TGFBRAP1: variants seen among roughly 807,000 people sequenced by gnomAD.
The protein encoded by TGFBRAP1 is transforming growth factor-beta receptor-associated protein 1.
TGFBRAP1 carries 20 observed loss-of-function variants against 83.2 expected under a neutral mutation model. That is an observed-to-expected ratio of 0.24 (90% CI 0.17 to 0.35). The LOEUF (loss-of-function observed/expected upper bound fraction) is 0.35, where lower values mean the gene tolerates loss of function less well. Among genes scored for constraint, TGFBRAP1 ranks in the 10% least tolerant of loss-of-function variants. The probability of loss-of-function intolerance (pLI) is 1.00; values close to 1 mark genes in which losing one functional copy is unlikely to be tolerated. For missense variants in TGFBRAP1, 950 were observed against 1,099.4 expected (o/e 0.86, Z 1.92); for synonymous variants, 415 against 459.8 (o/e 0.90, Z 1.25).
chr2:105,309,516 G>A lies in TGFBRAP1; in HGVS notation c.-17-1198C>T, dbSNP rs1678624338. 2.0e-5 allele frequency among the ~76,000 whole-genome samples: 3 copies of A among 152,312 alleles called. No homozygotes were observed. In the South Asian group the frequency reaches 6.2e-4, roughly 32 times the overall value. ...TATTCAAGAAAGGTTCACGCATCAG[G>A]GAAGGGAAGGAATCAGAGAACTTCT... is the stretch of plus-strand genomic sequence containing the variant. On this transcript the variant is annotated intron_variant, in intron 1 of 11. Transcript: ENST00000393359.
intron 1 of TGFBRAP1, among the ~76,000 whole-genome samples, chr2:105,316,625 G>A (rs959468808): frequency 6.6e-5 from 10 of 151,876 alleles, no homozygotes; most frequent in Admixed American, 2.6e-4. Context: ...GACCAGCCTG[G>A]ACAACATGGT....
At chr2:105,306,054 G>GTTTTTTT (rs975153596) in intron 2 of TGFBRAP1, among the ~76,000 whole-genome samples, 3 of 111,068 alleles carry the variant, frequency 2.7e-5, no homozygotes, top group African/African-American at 1.1e-4. Context: ...CTGGTTTTTT[G>GTTTTTTT]TTTTTTGTTT....
chr2:105,262,135 C>T (rs1179015863), downstream of TGFBRAP1, among the ~76,000 whole-genome samples: 1 of 152,180 alleles, frequency 6.6e-6, no homozygotes, highest in African/African-American at 2.4e-5. Flanking sequence ...TCAGATACTG[C>T]CCAGCTCCAC....
the TGFBRAP1 span, among the ~76,000 whole-genome samples, chr2:105,257,022 C>A: frequency 6.6e-6 from 1 of 152,188 alleles, no homozygotes; most frequent in African/African-American, 2.4e-5. Context: ...CATGAATAAT[C>A]CACCCCTTGT....
intron 5 of TGFBRAP1, among the ~76,000 whole-genome samples, chr2:105,283,655 G>A (rs936163346): frequency 5.9e-5 from 9 of 152,236 alleles, no homozygotes; most frequent in Admixed American, 3.3e-4. Flanking sequence ...GCCTCACTGA[G>A]CACTCAGCTG....
At chr2:105,272,804 C>A in intron 10 of TGFBRAP1, 51 bp downstream of exon 10, 4 of 1,599,496 alleles carry the variant, frequency 2.5e-6, no homozygotes, top group Non-Finnish European at 3.4e-6. Flanking sequence ...TCCTCCCACC[C>A]GCTTGATATG....
intron 1 of TGFBRAP1, among the ~76,000 whole-genome samples, chr2:105,317,710 G>T (rs996115477): frequency 6.6e-6 from 1 of 152,140 alleles, no homozygotes; most frequent in Non-Finnish European, 1.5e-5. Flanking sequence ...AAGATAAGGG[G>T]AAAAGGGGGC....
At chr2:105,298,377 C>T (rs1678154454) in intron 3 of TGFBRAP1, 134 bp downstream of exon 3, 1 of 891,280 alleles carries the variant, frequency 1.1e-6, no homozygotes, top group Admixed American at 3.2e-5. Flanking sequence ...GCCCCTGAAG[C>T]ACAGAGACTG....
At position 105,269,781 on chromosome 2, in the gene TGFBRAP1, T is replaced by C; in HGVS notation, c.1973-76A>G. On this transcript the variant is annotated intron_variant, in intron 10 of 11. Coordinates refer to ENST00000393359, the MANE Select transcript of TGFBRAP1 (RefSeq NM_004257.6). This position sits in a 1 kb window ranked among gnomAD's most constrained non-coding sequence, Gnocchi z 4.1. ...GCCCAGCGACTGGCCTCCTTGCTGCTCTGGGCTTCAGGAGGGGAAAAGTCA... is the reference window on the plus strand; with the variant it reads ...GCCCAGCGACTGGCCTCCTTGCTGCCCTGGGCTTCAGGAGGGGAAAAGTCA... 2.1e-6 allele frequency: 3 copies of C among 1,409,072 alleles called. No homozygotes were observed. The highest frequency in any genetic ancestry group is 2.8e-6 in the Non-Finnish European group (3 of 1,078,386). 87.3% of individuals were successfully genotyped at this position (1,409,072 alleles called of 1,614,324 possible).
chr2:105,295,096 G>A (rs1411974710), intron 4 of TGFBRAP1, among the ~76,000 whole-genome samples: 1 of 152,206 alleles, frequency 6.6e-6, no homozygotes, highest in Non-Finnish European at 1.5e-5. Flanking sequence ...CTGAATGCTA[G>A]TAGATCAGTC....
intron 6 of TGFBRAP1, among the ~76,000 whole-genome samples, chr2:105,277,922 TG>T (rs1677403290): frequency 6.6e-6 from 1 of 152,110 alleles, no homozygotes; most frequent in Non-Finnish European, 1.5e-5. Context: ...TAGCCAGGTG[TG>T]GGGCACACAT....
In TGFBRAP1 at chr2:105,266,513, T is replaced by C. The variant is rs926954682; in HGVS notation, c.*870A>G. 7 of 152,336 alleles carry C rather than the reference T, an allele frequency of 4.6e-5. No homozygotes were observed. The highest frequency in any genetic ancestry group is 1.7e-4 in the African/African-American group (7 of 41,580). 9.4% of individuals were successfully genotyped at this position (152,336 alleles called of 1,614,324 possible). A position where few individuals can be genotyped will look rare whatever the true frequency, so the allele number is the denominator to read the frequency against. ...TACAAATTTAAATAAAAATGTTTAG[T>C]TCAACGTGTTCGTCATGGAGTTTCA... On this transcript the variant is annotated 3_prime_UTR_variant, in exon 12 of 12. Coordinates refer to ENST00000393359, the MANE Select transcript of TGFBRAP1 (RefSeq NM_004257.6).
the TGFBRAP1 span, among the ~76,000 whole-genome samples, chr2:105,259,009 G>A: frequency 3.3e-5 from 5 of 152,210 alleles, no homozygotes; most frequent in African/African-American, 1.2e-4. Context: ...TTCCAATGTT[G>A]AGTTGCATGA....
intron 2 of TGFBRAP1, among the ~76,000 whole-genome samples, chr2:105,307,070 C>G (rs576782481): frequency 1.0e-3 from 152 of 152,168 alleles, no homozygotes; most frequent in African/African-American, 3.5e-3. Context: ...GGACTTAAGG[C>G]AGAAGCGGGA....
intron 1 of TGFBRAP1, among the ~76,000 whole-genome samples, chr2:105,312,852 CTG>C (rs775963727): frequency 7.2e-5 from 11 of 152,140 alleles, no homozygotes; most frequent in Non-Finnish European, 1.5e-4. Flanking sequence ...TGGCTTACAC[CTG>C]TAATCCCAGC....
intron 1 of TGFBRAP1, among the ~76,000 whole-genome samples, chr2:105,317,261 AC>A (rs1351422722): frequency 6.6e-6 from 1 of 152,072 alleles, no homozygotes; most frequent in Admixed American, 6.5e-5. Context: ...ACATGGTGAA[AC>A]CCCATTTACA....
chr2:105,269,421 C>G lies in TGFBRAP1; in HGVS notation c.2257G>C (p.Val753Leu), dbSNP rs1362175312. 1 of 1,614,030 alleles carries G rather than the reference C, an allele frequency of 6.2e-7. No individual in the cohort carries two copies. Among genetic ancestry groups the G allele is most frequent in the Non-Finnish European group, 8.5e-7 (1 of 1,180,014 alleles). ...CAGGTGTCAGGCAGCATCTGCAGCA[C>G]CTGGGCTGCATCAAATTCGGTGGCG... The part of the protein sequence containing the change: ...RHATEFDAAQ[V>L]LQMLPDTWSV... Residue 753 changes from valine (V) to leucine (L), a missense_variant, in exon 11 of 12, where the codon GTG becomes CTG. Transcript: ENST00000393359. The surrounding 1 kb of genome is among the most constrained non-coding windows in gnomAD (Gnocchi z 4.1).
intron 5 of TGFBRAP1, 28 bp downstream of exon 5, chr2:105,284,288 C>T: frequency 5.0e-6 from 8 of 1,607,136 alleles, no homozygotes; most frequent in Non-Finnish European, 6.8e-6. Flanking sequence ...ACTGTAGTGG[C>T]AGTCTTGCTA....
chr2:105,307,683 C>T lies in TGFBRAP1; in HGVS notation c.619G>A (p.Glu207Lys). 1 of 1,614,172 alleles carries T rather than the reference C, an allele frequency of 6.2e-7. No homozygotes were observed. The highest frequency in any genetic ancestry group is 1.1e-5 in the South Asian group (1 of 91,082). ...CTCTTGACGATCGGCGGCCTCTCCT[C>T]ACTGCAGTAGGGAAACAGGTCCTGG... The part of the protein sequence containing the change: ...VSQDLFPYCS[E>K]ERPPIVKRIG... The change falls in exon 2 of 12, where the codon GAG (glutamate) becomes AAG (lysine). Residue 207 changes from glutamate to lysine, a missense_variant. By Grantham distance (56) the Glu-to-Lys change is moderately conservative. Transcript: ENST00000393359.
Sources: allele counts gnomAD v4.1 joint callset (sites outside exome capture counted in the v4.1 genomes callset), GRCh38; gene constraint gnomAD v4.1.1; non-coding constraint Gnocchi (gnomAD v3.1); transcripts MANE v1.5; gene names NCBI Gene and HGNC (gene_info 2026-07-23, HGNC 2026-07-21).